Variants in MGAT5 observed in about 807,000 individuals in gnomAD.
The protein encoded by MGAT5 is alpha-1,6-mannosylglycoprotein 6-beta-N-acetylglucosaminyltransferase A.
A neutral mutation model predicts 94.3 loss-of-function variants in MGAT5; 30 were observed. The ratio of observed to expected loss-of-function variants is 0.32; its 90% CI spans 0.24 to 0.43. The LOEUF (loss-of-function observed/expected upper bound fraction) is 0.43. Ranked by LOEUF, MGAT5 falls within the 20% of genes least tolerant of loss-of-function variation. MGAT5 has a pLI of 1.00. For missense variants in MGAT5, 691 were observed against 905.5 expected, an observed-to-expected ratio of 0.76 and a Z score of 3.04; for synonymous variants, 310 against 322.9, an observed-to-expected ratio of 0.96 and a Z score of 0.43.
At chr2:134,189,493 TG>T in intron 1 of MGAT5, among the ~76,000 whole-genome samples, 1 of 151,976 alleles carries the variant, frequency 6.6e-6, no homozygotes, top group East Asian at 1.9e-4. Context: ...TTGGGAGAAG[TG>T]GGCCCAGCTC....
chr2:134,371,818 C>G (rs375532970), intron 10 of MGAT5, among the ~76,000 whole-genome samples: 7 of 152,218 alleles, frequency 4.6e-5, no homozygotes, highest in African/African-American at 1.7e-4. Context: ...TGACATGGCC[C>G]TCTGGAATAG....
chr2:134,398,637 A>G (rs1277295945), intron 10 of MGAT5, among the ~76,000 whole-genome samples: 1 of 152,210 alleles, frequency 6.6e-6, no homozygotes, highest in Admixed American at 6.5e-5. Context: ...CCCCATGTTT[A>G]TTGCAGCACT....
chr2:134,354,096 C>T (rs1469777555), intron 9 of MGAT5, among the ~76,000 whole-genome samples: 1 of 152,074 alleles, frequency 6.6e-6, no homozygotes, highest in Non-Finnish European at 1.5e-5. Flanking sequence ...AATACCGTTC[C>T]TTTGAATATC....
chr2:134,157,154 G>A (rs1687516443), intron 1 of MGAT5, among the ~76,000 whole-genome samples: 1 of 152,066 alleles, frequency 6.6e-6, no homozygotes, highest in African/African-American at 2.4e-5. Context: ...TAGGGTTCTT[G>A]GGAAGATAAA....
At chr2:134,416,821 T>A (rs1445588988) in intron 12 of MGAT5, among the ~76,000 whole-genome samples, 2 of 150,226 alleles carry the variant, frequency 1.3e-5, no homozygotes, top group African/African-American at 2.5e-5. Flanking sequence ...CTTAGGCTGG[T>A]CTCCAACTCC....
intron 2 of MGAT5, among the ~76,000 whole-genome samples, chr2:134,272,044 C>T (rs1475591780): frequency 6.6e-6 from 1 of 152,202 alleles, no homozygotes; most frequent in Non-Finnish European, 1.5e-5. Flanking sequence ...CCTCTATAAA[C>T]ACATCTGCTG....
At chr2:134,365,273 C>A (rs1465527101) in intron 10 of MGAT5, among the ~76,000 whole-genome samples, 1 of 152,198 alleles carries the variant, frequency 6.6e-6, no homozygotes, top group East Asian at 1.9e-4. Context: ...CCCTACTCAC[C>A]TCGGCACTTA....
intron 1 of MGAT5, among the ~76,000 whole-genome samples, chr2:134,266,421 A>G (rs1469562656): frequency 1.3e-5 from 2 of 152,074 alleles, no homozygotes; most frequent in African/African-American, 4.8e-5. Flanking sequence ...GAGTTTCACC[A>G]TGTTGGTCAG....
chr2:134,298,200 A>G (rs1037832160), intron 2 of MGAT5, among the ~76,000 whole-genome samples: 1 of 152,108 alleles, frequency 6.6e-6, no homozygotes, highest in Non-Finnish European at 1.5e-5. Flanking sequence ...GGTTCAAGCA[A>G]TTCTCCTACC....
intron 1 of MGAT5, among the ~76,000 whole-genome samples, chr2:134,139,546 A>G (rs189142242): frequency 1.1e-3 from 165 of 152,214 alleles, no homozygotes; most frequent in African/African-American, 3.8e-3. Context: ...ATGCAAACAC[A>G]CCCAGCGGAG....
intron 1 of MGAT5, among the ~76,000 whole-genome samples, chr2:134,237,790 A>G (rs537377470): frequency 3.5e-5 from 5 of 142,812 alleles, no homozygotes; most frequent in Non-Finnish European, 6.1e-5. Flanking sequence ...TTGCTCTGTC[A>G]CTCAGGTTGG....
chr2:134,122,730 TC>T (rs1438788098), intron 1 of MGAT5, among the ~76,000 whole-genome samples: 3 of 152,204 alleles, frequency 2.0e-5, no homozygotes, highest in African/African-American at 7.2e-5. Context: ...TCTGGGACAC[TC>T]GTGACTGGAG....
intron 1 of MGAT5, among the ~76,000 whole-genome samples, chr2:134,242,205 G>T (rs1438290980): frequency 6.6e-6 from 1 of 152,198 alleles, no homozygotes; most frequent in African/African-American, 2.4e-5. Context: ...AGCTGCATAA[G>T]GCGCTTTGCT....
rs544045843 is a variant in MGAT5, at chr2:134,451,707, T to C, written c.*2860T>C. 2 of 152,360 alleles carry C rather than the reference T, an allele frequency of 1.3e-5. No individual in the cohort carries two copies. The highest frequency in any genetic ancestry group is 2.9e-5 in the Non-Finnish European group (2 of 68,048). The allele number at this position is 152,360 out of a possible 1,614,324, so 9.4% of individuals were successfully genotyped here. The stretch of plus-strand genomic sequence containing the variant: ...TATCTTGCCTGTTTTTTTGGATTAT[T>C]TTCCCCATTGTGATCCTAAGCTCTT... On this transcript the variant is annotated 3_prime_UTR_variant, in exon 16 of 16. Coordinates refer to ENST00000281923, the MANE Select transcript of MGAT5 (RefSeq NM_002410.5).
chr2:134,226,064 T>C (rs1183861086), intron 1 of MGAT5, among the ~76,000 whole-genome samples: 2 of 152,248 alleles, frequency 1.3e-5, no homozygotes, highest in Admixed American at 1.3e-4. Context: ...GTGTTTACTG[T>C]TGAGTGGTTG....
chr2:134,305,718 T>A (rs1192976433), intron 2 of MGAT5, among the ~76,000 whole-genome samples: 2 of 152,182 alleles, frequency 1.3e-5, no homozygotes, highest in African/African-American at 2.4e-5. Flanking sequence ...ATGGGTGCTC[T>A]GTGTTGCAAG....
At position 134,452,210 on chromosome 2, in the gene MGAT5, G is replaced by C. The variant is rs1686144247; in HGVS notation, c.*3363G>C. On this transcript the variant is annotated 3_prime_UTR_variant, in exon 16 of 16. Transcript: ENST00000281923. ...TTCCACCCACAGAGGAGGGTGTGAA[G>C]CCTTGAGAACCTCAAGAAAGGGCTG... 6.6e-6 allele frequency: 1 copy of C among 152,176 alleles called. No individual in the cohort carries two copies. The highest frequency in any genetic ancestry group is 2.1e-4 in the South Asian group (1 of 4,828). 9.4% of individuals were successfully genotyped at this position (152,176 alleles called of 1,614,324 possible).
intron 9 of MGAT5, among the ~76,000 whole-genome samples, chr2:134,357,739 T>G (rs1233450210): frequency 6.6e-6 from 1 of 152,204 alleles, no homozygotes; most frequent in Non-Finnish European, 1.5e-5. Context: ...AATTGCTTTT[T>G]GACACTTGAA....
intron 1 of MGAT5, among the ~76,000 whole-genome samples, chr2:134,197,451 A>C (rs947306402): frequency 1.3e-5 from 2 of 152,246 alleles, no homozygotes; most frequent in African/African-American, 4.8e-5. Context: ...TTGTATTTTC[A>C]GGTGGATCTA....
Sources: gnomAD v4.1 joint callset for allele counts (sites outside exome capture counted in the v4.1 genomes callset) on GRCh38, gnomAD v4.1.1 for gene constraint, MANE v1.5 for transcripts, NCBI Gene and HGNC (gene_info 2026-07-23, HGNC 2026-07-21) for gene names.